The following DIS3L2 variants were observed in gnomAD, a reference collection of about 807,000 sequenced individuals.
DIS3L2 encodes the protein DIS3 like 3'-5' exoribonuclease 2, also known as DIS3-like exonuclease 2.
In DIS3L2, 34 loss-of-function variants were observed where a neutral mutation model predicts 97.5. The observed-to-expected ratio is 0.35, with a 90% CI of 0.27 to 0.46. The LOEUF is 0.46. Among genes scored for constraint, DIS3L2 ranks in the 20% least tolerant of loss-of-function variants. The pLI, the probability that DIS3L2 is intolerant of heterozygous loss-of-function variation, is 1.00. For synonymous variants in DIS3L2, 435 were observed against 445.2 expected, an observed-to-expected ratio of 0.98 and a Z score of 0.29; for missense variants, 1,038 against 1,146.0, an observed-to-expected ratio of 0.91 and a Z score of 1.36.
intron 5 of DIS3L2, among the ~76,000 whole-genome samples, chr2:232,075,327 G>T (rs1036632207): frequency 4.6e-5 from 7 of 152,182 alleles, no homozygotes; most frequent in Non-Finnish European, 2.9e-5. Context: ...AAAGCACAGG[G>T]ACGATTGTGC....
intron 6 of DIS3L2, among the ~76,000 whole-genome samples, chr2:232,129,162 T>A (rs11884602): frequency 0.01 from 1,573 of 152,328 alleles, 32 homozygotes; most frequent in African/African-American, 0.036. Context: ...TTGCCCAGGA[T>A]TTAGGCTGCC....
rs774384022 is a variant in DIS3L2, at chr2:232,067,637, A to C, written c.367-19850A>C. Among the ~76,000 whole-genome samples the C allele has an allele frequency of 1.1e-3, 163 of 152,182 alleles. 1 individual carries two copies. Among genetic ancestry groups the C allele is most frequent in the Non-Finnish European group, 1.9e-3 (127 of 68,018 alleles). Reference sequence around the variant, plus strand: ...GTGTTATGCTCTGTAAAGGCCACTTAGGTTACAGCTGCTTGCATTGTTCAG... The same window carrying C: ...GTGTTATGCTCTGTAAAGGCCACTTCGGTTACAGCTGCTTGCATTGTTCAG... On this transcript the variant is annotated intron_variant, in intron 5 of 20. Coordinates refer to ENST00000325385, the MANE Select transcript of DIS3L2 (RefSeq NM_152383.5).
At chr2:232,241,535 T>C (rs1193168322) in intron 11 of DIS3L2, among the ~76,000 whole-genome samples, 1 of 152,272 alleles carries the variant, frequency 6.6e-6, no homozygotes, top group African/African-American at 2.4e-5. Context: ...AATGAAATTC[T>C]TTTTGTTGAG....
At chr2:232,329,785 T>TGCCGGGGGGGGGGCCCC in intron 14 of DIS3L2, 28 bp from the exon 15 acceptor site, 25 of 967,118 alleles carry the variant, frequency 2.6e-5, no homozygotes, top group Middle Eastern at 3.5e-4. Flanking sequence ...ACCCCAGCGG[T>TGCCGGGGGGGGGGCCCC]CCCTCCCATC....
chr2:232,229,719 C>T (rs1028702698), intron 10 of DIS3L2, among the ~76,000 whole-genome samples: 5 of 152,154 alleles, frequency 3.3e-5, no homozygotes, highest in African/African-American at 1.2e-4. Context: ...ACAAAAATTG[C>T]TGTGTGGGCA....
chr2:232,267,740 T>C (rs1426384215), intron 13 of DIS3L2, among the ~76,000 whole-genome samples: 1 of 152,162 alleles, frequency 6.6e-6, no homozygotes, highest in Admixed American at 6.5e-5. Context: ...ACTTTGAGAG[T>C]AGGGGTCACA....
intron 4 of DIS3L2, among the ~76,000 whole-genome samples, chr2:232,025,295 T>A (rs1009502479): frequency 1.3e-5 from 2 of 152,176 alleles, no homozygotes; most frequent in Admixed American, 6.6e-5. Context: ...AATGCTCCAG[T>A]GAGCATTTCC....
chr2:231,966,640 CATTTTTTTTTTTTTTT>C (rs1692724223), intron 1 of DIS3L2, among the ~76,000 whole-genome samples: 1 of 70,524 alleles, frequency 1.4e-5, no homozygotes, highest in African/African-American at 5.2e-5. Flanking sequence ...AGTTAAAAAA[CATTTTTTTTTTTTTTT>C]TTTTTTTTTT....
chr2:232,101,173 A>G (rs1697193965), intron 6 of DIS3L2, among the ~76,000 whole-genome samples: 1 of 151,788 alleles, frequency 6.6e-6, no homozygotes, highest in South Asian at 2.1e-4. Flanking sequence ...CAGAGGTTGC[A>G]GTGAGCCAAG....
At chr2:232,323,911 T>C (rs888474386) in intron 14 of DIS3L2, among the ~76,000 whole-genome samples, 5 of 151,948 alleles carry the variant, frequency 3.3e-5, no homozygotes, top group African/African-American at 4.8e-5. Flanking sequence ...GCCTCCACTT[T>C]CCAGCTCCCA....
At chr2:232,116,184 G>A (rs3100597) in intron 6 of DIS3L2, among the ~76,000 whole-genome samples, 840 of 35,634 alleles carry the variant, frequency 0.024, 8 homozygotes, top group African/African-American at 0.054. Flanking sequence ...ATAAATAAAT[G>A]AATAAATAAA....
At chr2:232,214,056 G>A (rs1692268396) in intron 10 of DIS3L2, among the ~76,000 whole-genome samples, 1 of 152,216 alleles carries the variant, frequency 6.6e-6, no homozygotes, top group African/African-American at 2.4e-5. Context: ...GCAATGTAGA[G>A]TTTTTCACCT....
intron 8 of DIS3L2, among the ~76,000 whole-genome samples, chr2:232,155,905 G>A (rs1690481283): frequency 6.6e-6 from 1 of 152,020 alleles, no homozygotes; most frequent in Admixed American, 6.5e-5. Context: ...CAGGAGAATG[G>A]TGTGAACCCG....
rs552003533 is a variant in DIS3L2, at chr2:232,264,390, C to G, written c.1659+950C>G. ...AAGTCTCACAGCCTTGCTGGCAGCC[C>G]TCTGGGACTTAGGTAGCTGTCACTT... is the stretch of plus-strand genomic sequence containing the variant. On this transcript the variant is annotated intron_variant, in intron 13 of 20. Transcript: ENST00000325385. Among the ~76,000 whole-genome samples, 5 of 152,334 alleles carry G rather than the reference C, an allele frequency of 3.3e-5. No homozygotes were observed. In the South Asian group the frequency reaches 8.3e-4, roughly 25 times the overall value.
chr2:232,149,198 T>TTG (rs1022250921), intron 8 of DIS3L2, among the ~76,000 whole-genome samples: 6 of 151,360 alleles, frequency 4.0e-5, no homozygotes, highest in African/African-American at 1.2e-4. Flanking sequence ...TAAAAGTTTT[T>TTG]TTTTTTTTTT....
intron 5 of DIS3L2, among the ~76,000 whole-genome samples, chr2:232,040,239 G>A (rs942692078): frequency 6.6e-6 from 1 of 152,140 alleles, no homozygotes; most frequent in African/African-American, 2.4e-5. Flanking sequence ...GAAAATTTTA[G>A]GTTTCAGGGA....
chr2:232,259,680 G>A (rs754096891), intron 12 of DIS3L2, among the ~76,000 whole-genome samples: 1 of 152,048 alleles, frequency 6.6e-6, no homozygotes, highest in Non-Finnish European at 1.5e-5. Context: ...GTGCAGTGGC[G>A]CAACTTCGGC....
At chr2:232,163,331 T>C in intron 8 of DIS3L2, 128 bp from the exon 9 acceptor site, 1 of 855,838 alleles carries the variant, frequency 1.2e-6, no homozygotes, top group Non-Finnish European at 1.8e-6. Flanking sequence ...TTACGGATGA[T>C]CATGTTTCTA....
At chr2:232,121,244 C>G (rs1008561911) in intron 6 of DIS3L2, among the ~76,000 whole-genome samples, 39 of 152,322 alleles carry the variant, frequency 2.6e-4, no homozygotes, top group African/African-American at 8.9e-4. Flanking sequence ...ACTACACTTT[C>G]CCTATTGAAA....
Sources: gnomAD v4.1 joint callset for allele counts (sites outside exome capture counted in the v4.1 genomes callset) on GRCh38, gnomAD v4.1.1 for gene constraint, MANE v1.5 for transcripts, NCBI Gene and HGNC (gene_info 2026-07-23, HGNC 2026-07-21) for gene names.